Variants in SYT1 observed in about 807,000 individuals in gnomAD.
The protein encoded by SYT1 is synaptotagmin-1.
A neutral mutation model predicts 44.8 loss-of-function variants in SYT1; 8 were observed. The observed-to-expected ratio is 0.18, with a 90% CI of 0.10 to 0.32. SYT1 has a LOEUF of 0.32. Ranked by LOEUF, SYT1 falls within the 10% of genes least tolerant of loss-of-function variation. The probability of loss-of-function intolerance (pLI) is 1.00; values close to 1 mark genes in which losing one functional copy is unlikely to be tolerated. For synonymous variants in SYT1, 154 were observed against 188.8 expected (o/e 0.82, Z 1.51); for missense variants, 286 against 509.3 (o/e 0.56, Z 4.22).
At chr12:79,429,753 TCTC>T (rs1477637368) in intron 9 of SYT1, among the ~76,000 whole-genome samples, 1 of 152,146 alleles carries the variant, frequency 6.6e-6, no homozygotes, top group African/African-American at 2.4e-5. Flanking sequence ...ATGGTCTTCA[TCTC>T]CTGACCTCGT....
At chr12:79,084,379 T>C (rs974584769) in intron 3 of SYT1, among the ~76,000 whole-genome samples, 2 of 152,142 alleles carry the variant, frequency 1.3e-5, no homozygotes, top group Non-Finnish European at 2.9e-5. Flanking sequence ...TAGTTGAACA[T>C]ACACTAGTCT....
intron 9 of SYT1, among the ~76,000 whole-genome samples, chr12:79,399,845 G>A (rs1022276464): frequency 1.3e-5 from 2 of 152,158 alleles, no homozygotes; most frequent in Non-Finnish European, 2.9e-5. Context: ...GCCACACCCT[G>A]AGTACCACTT....
chr12:79,075,114 C>A (rs1465065581), intron 3 of SYT1, among the ~76,000 whole-genome samples: 6 of 152,162 alleles, frequency 3.9e-5, no homozygotes, highest in Admixed American at 6.5e-5. Context: ...GAAATGCGAA[C>A]CTTAACTAAT....
intron 3 of SYT1, among the ~76,000 whole-genome samples, chr12:79,118,925 C>T (rs972497263): frequency 3.9e-5 from 6 of 152,178 alleles, no homozygotes; most frequent in Admixed American, 2.0e-4. Flanking sequence ...TCCAGATATC[C>T]AACTGCCTAC....
At chr12:79,291,726 G>A (rs559495297) in intron 5 of SYT1, 4 of 516,594 alleles carry the variant, frequency 7.7e-6, no homozygotes, top group South Asian at 1.5e-5. Context: ...ACAACACCAA[G>A]TTGACACTTT....
intron 2 of SYT1, among the ~76,000 whole-genome samples, chr12:79,039,733 T>G (rs564717265): frequency 0.013 from 1,932 of 150,520 alleles, 43 homozygotes; most frequent in African/African-American, 0.043. Flanking sequence ...TAACTGGTCA[T>G]CTAGCATTAG....
At chr12:79,393,436 TC>T (rs1216009612) in intron 9 of SYT1, 1 of 152,198 alleles carries the variant, frequency 6.6e-6, no homozygotes, top group Non-Finnish European at 1.5e-5. Flanking sequence ...GTAAAAGCGT[TC>T]CTATTTCTTC....
At chr12:79,253,393 G>A (rs988983526) in intron 4 of SYT1, among the ~76,000 whole-genome samples, 2 of 151,698 alleles carry the variant, frequency 1.3e-5, no homozygotes, top group African/African-American at 2.4e-5. Flanking sequence ...TTGTAATTGG[G>A]GGCACCAAGA....
At chr12:79,348,229 A>G (rs1017504935) in intron 8 of SYT1, among the ~76,000 whole-genome samples, 1 of 152,180 alleles carries the variant, frequency 6.6e-6, no homozygotes, top group Non-Finnish European at 1.5e-5. Context: ...TGTGAGAAGG[A>G]AACTAGAAAG....
chr12:79,292,525 C>T (rs928144748), intron 6 of SYT1, among the ~76,000 whole-genome samples: 1 of 152,040 alleles, frequency 6.6e-6, no homozygotes, highest in African/African-American at 2.4e-5. Context: ...TGAGTTGGGC[C>T]GCTATTCTAG....
intron 2 of SYT1, among the ~76,000 whole-genome samples, chr12:78,981,770 TA>T (rs1343507972): frequency 6.6e-6 from 1 of 152,218 alleles, no homozygotes; most frequent in Admixed American, 6.5e-5. Flanking sequence ...GAATACCTAC[TA>T]TGTAGTCAGC....
At chr12:78,882,913 A>T (rs1375877005) in intron 1 of SYT1, among the ~76,000 whole-genome samples, 1 of 151,624 alleles carries the variant, frequency 6.6e-6, no homozygotes, top group African/African-American at 2.4e-5. Flanking sequence ...TAATGGGAAC[A>T]GTCTGTGATC....
At chr12:79,073,890 G>A (rs1306425501) in intron 3 of SYT1, among the ~76,000 whole-genome samples, 1 of 151,988 alleles carries the variant, frequency 6.6e-6, no homozygotes, top group East Asian at 1.9e-4. Context: ...CAAACACAAA[G>A]CAATGTCTGC....
At chr12:78,918,336 A>G (rs565547367) in intron 1 of SYT1, among the ~76,000 whole-genome samples, 112 of 152,168 alleles carry the variant, frequency 7.4e-4, no homozygotes, top group African/African-American at 2.6e-3. Flanking sequence ...GTTATCTGCC[A>G]AGAAGCTCAT....
intron 8 of SYT1, among the ~76,000 whole-genome samples, chr12:79,319,770 T>C (rs917753467): frequency 1.3e-5 from 2 of 152,224 alleles, no homozygotes; most frequent in African/African-American, 4.8e-5. Context: ...TGCTTCTGTT[T>C]TCAAGTCCCT....
intron 1 of SYT1, among the ~76,000 whole-genome samples, chr12:78,908,844 A>AT (rs928705383): frequency 3.3e-5 from 5 of 151,746 alleles, no homozygotes; most frequent in Admixed American, 2.6e-4. Context: ...AAAATCAAAT[A>AT]TTTTTTTTAC....
chr12:79,106,724 T>A (rs990365535), intron 3 of SYT1, among the ~76,000 whole-genome samples: 1 of 151,814 alleles, frequency 6.6e-6, no homozygotes, highest in Non-Finnish European at 1.5e-5. Context: ...AAAAAAAAAA[T>A]TCTTTGACAT....
intron 2 of SYT1, among the ~76,000 whole-genome samples, chr12:79,005,822 T>A (rs1291704084): frequency 1.3e-5 from 2 of 152,118 alleles, no homozygotes; most frequent in Non-Finnish European, 2.9e-5. Flanking sequence ...ACTGGTCCCA[T>A]TGAAGGTATA....
intron 1 of SYT1, among the ~76,000 whole-genome samples, chr12:78,913,342 T>A (rs1876452883): frequency 6.6e-6 from 1 of 151,328 alleles, no homozygotes; most frequent in South Asian, 2.1e-4. Flanking sequence ...AATTGTGTAT[T>A]TGAGAAGATC....
Sources: allele counts gnomAD v4.1 joint callset (sites outside exome capture counted in the v4.1 genomes callset), GRCh38; gene constraint gnomAD v4.1.1; transcripts MANE v1.5; gene names NCBI Gene and HGNC (gene_info 2026-07-23, HGNC 2026-07-21).